The following IGF2BP2 variants were observed in gnomAD, a reference collection of about 807,000 sequenced individuals.
The protein encoded by IGF2BP2 is insulin-like growth factor 2 mRNA-binding protein 2.
In IGF2BP2, 17 loss-of-function variants were observed where a neutral mutation model predicts 75.8. That is an observed-to-expected ratio of 0.22 (90% CI 0.15 to 0.34). IGF2BP2 has a LOEUF of 0.34. Among genes scored for constraint, IGF2BP2 ranks in the 10% least tolerant of loss-of-function variants. The pLI is 1.00. For missense variants in IGF2BP2, 516 were observed against 772.4 expected, an observed-to-expected ratio of 0.67 and a Z score of 3.93; for synonymous variants, 288 against 295.6, an observed-to-expected ratio of 0.97 and a Z score of 0.26.
At chr3:185,805,185 C>T (rs1250824196) in intron 2 of IGF2BP2, among the ~76,000 whole-genome samples, 1 of 151,916 alleles carries the variant, frequency 6.6e-6, no homozygotes, top group African/African-American at 2.4e-5. Context: ...ATCCAGTAAA[C>T]ACAGGTTTTA....
At position 185,649,330 on chromosome 3, in the gene IGF2BP2, AC is replaced by A. The variant is rs1429161694; in HGVS notation, c.1593+72del. On this transcript the variant is annotated intron_variant, in intron 14 of 15. Coordinates refer to ENST00000382199, the MANE Select transcript of IGF2BP2 (RefSeq NM_006548.6). ...TTGGGACAGAAGGCGCCAAGGGGAG[AC>A]TGAGGGAACTCAGGCAAGGCCAGAG... 5.1e-6 allele frequency: 8 copies of A among 1,574,428 alleles called. No homozygotes were observed. In the Admixed American group the frequency reaches 1.4e-4, roughly 28 times the overall value.
intron 2 of IGF2BP2, among the ~76,000 whole-genome samples, chr3:185,806,631 T>G (rs939782597): frequency 4.6e-5 from 7 of 152,212 alleles, no homozygotes; most frequent in African/African-American, 1.7e-4. Context: ...GTCAAAACAA[T>G]GTAGGACATT....
intron 2 of IGF2BP2, among the ~76,000 whole-genome samples, chr3:185,797,584 C>T (rs1280668940): frequency 1.3e-5 from 2 of 152,146 alleles, no homozygotes; most frequent in Admixed American, 6.6e-5. Flanking sequence ...CAAGGAGAAA[C>T]TGTGCATCAG....
intron 2 of IGF2BP2, among the ~76,000 whole-genome samples, chr3:185,788,457 G>A (rs1344819320): frequency 6.6e-6 from 1 of 152,118 alleles, no homozygotes; most frequent in Non-Finnish European, 1.5e-5. Context: ...GCTGCAGAGA[G>A]CTATGATTGC....
At chr3:185,742,977 T>C (rs1039881024) in intron 2 of IGF2BP2, among the ~76,000 whole-genome samples, 3 of 151,944 alleles carry the variant, frequency 2.0e-5, no homozygotes, top group African/African-American at 7.2e-5. Flanking sequence ...TGTGCACCTG[T>C]AGTCCCAGCT....
intron 2 of IGF2BP2, among the ~76,000 whole-genome samples, chr3:185,815,981 C>T (rs1463642755): frequency 6.6e-6 from 1 of 152,160 alleles, no homozygotes; most frequent in East Asian, 1.9e-4. Context: ...GGCCCAAGGC[C>T]TTATTCAGTA....
At position 185,721,801 on chromosome 3, in the gene IGF2BP2, C is replaced by T. The variant is rs79049994; in HGVS notation, c.240-23454G>A. On this transcript the variant is annotated intron_variant, in intron 2 of 15. Coordinates refer to ENST00000382199, the MANE Select transcript of IGF2BP2 (RefSeq NM_006548.6). The stretch of plus-strand genomic sequence containing the variant: ...AGTTCCTTTGACATCAGGGCTAACA[C>T]GGCCTGGGTAAACTTCAGCAATGTT... Among the ~76,000 whole-genome samples the T allele has an allele frequency of 5.2e-4, 79 of 152,212 alleles. No individual in the cohort carries two copies. The East Asian group carries it at 7.4e-3, about 14-fold the overall frequency.
intron 2 of IGF2BP2, among the ~76,000 whole-genome samples, chr3:185,772,783 T>A (rs1402997990): frequency 6.6e-6 from 1 of 152,266 alleles, no homozygotes; most frequent in East Asian, 1.9e-4. Context: ...GGTTTCACCA[T>A]GTTAGCCAGG....
At position 185,657,285 on chromosome 3, in the gene IGF2BP2, C is replaced by A; in HGVS notation, c.1386+1G>T. ...CACAGGGCCGTCAGGAGCAGCCTCA[C>A]CTTGATAGAGGCTCCGGCGAATCTC... On this transcript the variant is annotated splice_donor_variant, in intron 12 of 15. Coordinates refer to ENST00000382199, the MANE Select transcript of IGF2BP2 (RefSeq NM_006548.6). LOFTEE classifies it high-confidence loss of function. 1 of 1,608,414 alleles carries A rather than the reference C, an allele frequency of 6.2e-7. No individual in the cohort carries two copies. The highest frequency in any genetic ancestry group is 8.5e-7 in the Non-Finnish European group (1 of 1,175,628).
intron 2 of IGF2BP2, among the ~76,000 whole-genome samples, chr3:185,751,160 T>G (rs977620108): frequency 3.9e-5 from 6 of 152,144 alleles, no homozygotes; most frequent in African/African-American, 2.4e-5. Context: ...TTGCAGTGAG[T>G]GGAGACTGCG....
At chr3:185,805,502 G>C (rs1738895503) in intron 2 of IGF2BP2, among the ~76,000 whole-genome samples, 2 of 152,120 alleles carry the variant, frequency 1.3e-5, no homozygotes, top group Admixed American at 6.5e-5. Flanking sequence ...CCGGTCACTG[G>C]AGGTGGTTTG....
chr3:185,776,703 TGGACCACCCCA>T (rs1734578914), intron 2 of IGF2BP2, among the ~76,000 whole-genome samples: 1 of 152,138 alleles, frequency 6.6e-6, no homozygotes, highest in South Asian at 2.1e-4. Flanking sequence ...GTAACGAAGA[TGGACCACCCCA>T]GGAGATAAGA....
At chr3:185,685,176 T>C (rs1720941784) in intron 7 of IGF2BP2, among the ~76,000 whole-genome samples, 3 of 152,054 alleles carry the variant, frequency 2.0e-5, no homozygotes, top group Non-Finnish European at 1.5e-5. Flanking sequence ...GGTTAAACCC[T>C]GTCTCTACTA....
chr3:185,649,693 G>A (rs2149046378), intron 13 of IGF2BP2, among the ~76,000 whole-genome samples, 159 bp from the exon 14 acceptor site: 1 of 152,310 alleles, frequency 6.6e-6, no homozygotes, highest in South Asian at 2.1e-4. Flanking sequence ...TCCGCTCACA[G>A]ACCTGGGGGG....
At chr3:185,732,365 G>GCTT (rs567416444) in intron 2 of IGF2BP2, among the ~76,000 whole-genome samples, 1 of 152,160 alleles carries the variant, frequency 6.6e-6, no homozygotes, top group Non-Finnish European at 1.5e-5. Flanking sequence ...CAGCAATGTG[G>GCTT]CTTCTCCAGG....
intron 2 of IGF2BP2, among the ~76,000 whole-genome samples, chr3:185,822,013 A>C (rs1741436818): frequency 6.6e-6 from 1 of 151,782 alleles, no homozygotes; most frequent in African/African-American, 2.4e-5. Context: ...TAAAAAAAAA[A>C]CAGGATTTAA....
In IGF2BP2 at chr3:185,705,794, G is replaced by T. The variant is rs571989534; in HGVS notation, c.240-7447C>A. On this transcript the variant is annotated intron_variant, in intron 2 of 15. Transcript: ENST00000382199. The stretch of plus-strand genomic sequence containing the variant: ...AGGAAGGACTAGATATCTCTCTGGG[G>T]TCTATTTTATAGAGGTACTAATCCC... 4.6e-5 allele frequency among the ~76,000 whole-genome samples: 7 copies of T among 152,244 alleles called. No individual in the cohort carries two copies. In the South Asian group the frequency reaches 8.3e-4, roughly 18 times the overall value.
intron 2 of IGF2BP2, among the ~76,000 whole-genome samples, chr3:185,726,291 C>T (rs970253510): frequency 6.6e-6 from 1 of 152,118 alleles, no homozygotes; most frequent in African/African-American, 2.4e-5. Context: ...CAGAGGAGGG[C>T]CTCTCCATCC....
chr3:185,705,997 C>T (rs1420531177), intron 2 of IGF2BP2, among the ~76,000 whole-genome samples: 1 of 152,226 alleles, frequency 6.6e-6, no homozygotes, highest in Non-Finnish European at 1.5e-5. Flanking sequence ...TCAGAGCCTA[C>T]TAGCTCACAA....
Sources: allele counts gnomAD v4.1 joint callset (sites outside exome capture counted in the v4.1 genomes callset), GRCh38; gene constraint gnomAD v4.1.1; transcripts MANE v1.5; gene names NCBI Gene and HGNC (gene_info 2026-07-23, HGNC 2026-07-21).